The following EHHADH variants were observed in gnomAD, a reference collection of about 807,000 sequenced individuals.
The protein encoded by EHHADH is enoyl-CoA hydratase and 3-hydroxyacyl CoA dehydrogenase.
EHHADH carries 48 observed loss-of-function variants against 64.4 expected under a neutral mutation model. That is an observed-to-expected ratio of 0.75 (90% CI 0.59 to 0.95). EHHADH has a LOEUF of 0.95. Among genes scored for constraint, EHHADH ranks in the 40% least tolerant of loss-of-function variants. The pLI is 0.00. For missense variants in EHHADH, 854 were observed against 876.6 expected (o/e 0.97, Z 0.33); for synonymous variants, 308 against 326.7 (o/e 0.94, Z 0.62).
chr3:185,237,094 A>G (rs1719315625), intron 2 of EHHADH, among the ~76,000 whole-genome samples: 2 of 152,212 alleles, frequency 1.3e-5, no homozygotes. Context: ...TACTTACAGC[A>G]TAAGGTTAGT....
intron 4 of EHHADH, among the ~76,000 whole-genome samples, chr3:185,228,946 G>C (rs1369208492): frequency 1.3e-5 from 2 of 151,994 alleles, no homozygotes; most frequent in East Asian, 2.0e-4. Context: ...TGGGATTACA[G>C]GTGCCTGCCA....
chr3:185,239,512 G>A (rs752265004), intron 2 of EHHADH, among the ~76,000 whole-genome samples: 5 of 152,016 alleles, frequency 3.3e-5, no homozygotes, highest in Non-Finnish European at 7.4e-5. Context: ...TTGGTTAAAT[G>A]TATTCCTAGG....
At chr3:185,241,214 G>A (rs1719441885) in intron 2 of EHHADH, among the ~76,000 whole-genome samples, 1 of 152,178 alleles carries the variant, frequency 6.6e-6, no homozygotes, top group Non-Finnish European at 1.5e-5. Context: ...TGATTGATGG[G>A]CATTTGGGTT....
At chr3:185,239,815 T>C (rs1719398397) in intron 2 of EHHADH, among the ~76,000 whole-genome samples, 2 of 152,192 alleles carry the variant, frequency 1.3e-5, no homozygotes, top group Non-Finnish European at 2.9e-5. Flanking sequence ...TCCAGTACTA[T>C]GTTGACTAGG....
At chr3:185,209,224 A>C (rs568545657) in intron 5 of EHHADH, among the ~76,000 whole-genome samples, 1 of 152,210 alleles carries the variant, frequency 6.6e-6, no homozygotes, top group African/African-American at 2.4e-5. Context: ...TTATTGAAGA[A>C]CATAAAATAA....
intron 2 of EHHADH, among the ~76,000 whole-genome samples, chr3:185,235,712 G>C (rs923650402): frequency 6.6e-6 from 1 of 152,060 alleles, no homozygotes; most frequent in East Asian, 1.9e-4. Context: ...CAGGAATTCT[G>C]TAATTTTCTA....
At chr3:185,233,264 A>ATTAAATTATTAAT (rs1240422027) in intron 3 of EHHADH, among the ~76,000 whole-genome samples, 10 of 152,314 alleles carry the variant, frequency 6.6e-5, no homozygotes, top group Admixed American at 2.0e-4. Context: ...ATATTATTAA[A>ATTAAATTATTAAT]ATTCAGTCAG....
chr3:185,233,830 G>C (rs1719209150), intron 3 of EHHADH, among the ~76,000 whole-genome samples: 1 of 152,142 alleles, frequency 6.6e-6, no homozygotes, highest in South Asian at 2.1e-4. Flanking sequence ...ATTTTTAGTA[G>C]AGACGGGGTT....
At position 185,218,247 on chromosome 3, in the gene EHHADH, TAAAC is replaced by T; in HGVS notation, c.464-11_464-8del. On this transcript the variant is annotated splice_region_variant and splice_polypyrimidine_tract_variant and intron_variant, in intron 4 of 6. Coordinates refer to ENST00000231887, the MANE Select transcript of EHHADH (RefSeq NM_001966.4). ...TCTGCTAAAATACGTCTTCCTGAAA[TAAAC>T]AACAACAACAATAACAACAAATCAA... The T allele has an allele frequency of 6.3e-7, 1 of 1,585,404 alleles. No homozygotes were observed. The highest frequency in any genetic ancestry group is 1.1e-5 in the South Asian group (1 of 89,724).
chr3:185,196,700 T>C (rs557630943), intron 6 of EHHADH, among the ~76,000 whole-genome samples: 2 of 152,194 alleles, frequency 1.3e-5, no homozygotes, highest in African/African-American at 4.8e-5. Context: ...GAAAGCATTA[T>C]GCTAAGTTAA....
chr3:185,229,289 C>G (rs1027658813), intron 4 of EHHADH, 143 bp downstream of exon 4: 1 of 413,422 alleles, frequency 2.4e-6, no homozygotes, highest in East Asian at 3.6e-5. Flanking sequence ...CTCCATATTA[C>G]AGATCAGAAA....
At chr3:185,228,928 C>T (rs1209324616) in intron 4 of EHHADH, among the ~76,000 whole-genome samples, 3 of 151,678 alleles carry the variant, frequency 2.0e-5, no homozygotes, top group Non-Finnish European at 2.9e-5. Flanking sequence ...CTCAGTCTCC[C>T]GAGTAGCTGG....
At chr3:185,228,561 C>T (rs1719065260) in intron 4 of EHHADH, among the ~76,000 whole-genome samples, 1 of 150,962 alleles carries the variant, frequency 6.6e-6, no homozygotes, top group African/African-American at 2.4e-5. Flanking sequence ...GCCTGTAATC[C>T]CAGCTACTTG....
chr3:185,199,896 C>A (rs1718176964), intron 6 of EHHADH, among the ~76,000 whole-genome samples: 1 of 152,152 alleles, frequency 6.6e-6, no homozygotes, highest in South Asian at 2.1e-4. Flanking sequence ...AGGCATGTGC[C>A]ACCATGCCCG....
intron 6 of EHHADH, among the ~76,000 whole-genome samples, chr3:185,195,874 G>A (rs1030846303): frequency 4.6e-5 from 7 of 152,026 alleles, no homozygotes; most frequent in African/African-American, 1.7e-4. Context: ...TTGGCATTAC[G>A]CAATACATAC....
intron 6 of EHHADH, among the ~76,000 whole-genome samples, chr3:185,196,807 GC>G (rs1291862056): frequency 6.6e-6 from 1 of 152,150 alleles, no homozygotes; most frequent in African/African-American, 2.4e-5. Context: ...TTCAAGACCA[GC>G]CTGGCCAACA....
At position 185,253,936 on chromosome 3, in the gene EHHADH, C is replaced by G. The variant is rs757435909; in HGVS notation, c.74+13G>C. 20 of 1,614,020 alleles carry G rather than the reference C, an allele frequency of 1.2e-5. No individual in the cohort carries two copies. The South Asian group carries it at 2.0e-4, about 16-fold the overall frequency. On this transcript the variant is annotated intron_variant, in intron 1 of 6. Transcript: ENST00000231887. ...CGCACGGTCCCCGGGCTGGAGGCGA[C>G]CGAGCCCGTTACCTGATCGCGTTGA...
intron 4 of EHHADH, among the ~76,000 whole-genome samples, chr3:185,219,519 TA>T (rs1453440190): frequency 1.3e-5 from 2 of 152,212 alleles, no homozygotes; most frequent in Non-Finnish European, 2.9e-5. Flanking sequence ...ATAGGAGATA[TA>T]GAAGTTTGAT....
intron 4 of EHHADH, 85 bp downstream of exon 4, chr3:185,229,347 G>A (rs1719091015): frequency 1.4e-6 from 1 of 691,636 alleles, no homozygotes; most frequent in African/African-American, 1.8e-5. Flanking sequence ...TACATAGGGA[G>A]TAGGTGGTCA....
Sources: gnomAD v4.1 joint callset for allele counts (sites outside exome capture counted in the v4.1 genomes callset) on GRCh38, gnomAD v4.1.1 for gene constraint, MANE v1.5 for transcripts, NCBI Gene and HGNC (gene_info 2026-07-23, HGNC 2026-07-21) for gene names.